MTCL1: variants seen among roughly 807,000 people sequenced by gnomAD.
MTCL1 encodes microtubule crosslinking factor 1, also known as microtubule cross-linking factor 1.
In MTCL1, 79 loss-of-function variants were observed where a neutral mutation model predicts 141.4. That is an observed-to-expected ratio of 0.56 (90% confidence interval 0.47 to 0.67). The LOEUF (loss-of-function observed/expected upper bound fraction) is 0.67, where lower values mean the gene tolerates loss of function less well. Among genes scored for constraint, MTCL1 ranks in the 30% least tolerant of loss-of-function variants. The probability of loss-of-function intolerance (pLI) is 0.00; values close to 1 mark genes in which losing one functional copy is unlikely to be tolerated. For synonymous variants in MTCL1, 914 were observed against 875.8 expected (o/e 1.04, Z -0.77); for missense variants, 2,177 against 2,113.9 (o/e 1.03, Z -0.59).
chr18:8,782,914 G>C (rs1450707095), intron 5 of MTCL1, among the ~76,000 whole-genome samples: 1 of 152,210 alleles, frequency 6.6e-6, no homozygotes, highest in African/African-American at 2.4e-5. Context: ...GGGAGACCGG[G>C]ATGGGGAGAA....
chr18:8,828,214 G>A lies in MTCL1; in HGVS notation c.4723-694G>A, dbSNP rs1428402113. ...TTCTGATTCCAAGCCCACCCAGTGC[G>A]CTGTTGCGGAATCTTTCCCCGAATG... On this transcript the variant is annotated intron_variant, in intron 15 of 16. Coordinates refer to ENST00000359865, the Ensembl canonical transcript of MTCL1. This position sits in a 1 kb window ranked among gnomAD's most constrained non-coding sequence, Gnocchi z 5.2. 6.6e-6 allele frequency among the ~76,000 whole-genome samples: 1 copy of A among 152,154 alleles called. No homozygotes were observed. The highest frequency in any genetic ancestry group is 2.4e-5 in the African/African-American group (1 of 41,422).
chr18:8,790,799 G>A lies in MTCL1; in HGVS notation c.1888-2199G>A, dbSNP rs189047745. ...GGAGGCTGAGGCAGGCAGATCACTT[G>A]AGGTCAGGAGTTCGAGACCAGCCTG... is the stretch of plus-strand genomic sequence containing the variant. On this transcript the variant is annotated intron_variant, in intron 7 of 16. Coordinates refer to ENST00000359865, the Ensembl canonical transcript of MTCL1. Among the ~76,000 whole-genome samples, 439 of 152,316 alleles carry A rather than the reference G, an allele frequency of 2.9e-3. 3 individuals are homozygous for A. The highest frequency in any genetic ancestry group is 0.021 in the Admixed American group (318 of 15,308).
At chr18:8,817,724 A>ATT (rs2076704731) in intron 12 of MTCL1, among the ~76,000 whole-genome samples, 1 of 152,210 alleles carries the variant, frequency 6.6e-6, no homozygotes, top group Non-Finnish European at 1.5e-5. Flanking sequence ...TCAAATCATT[A>ATT]TTTGGCCACT....
chr18:8,759,805 G>T (rs531149447), intron 4 of MTCL1, among the ~76,000 whole-genome samples: 2 of 152,282 alleles, frequency 1.3e-5, no homozygotes, highest in South Asian at 4.1e-4. Context: ...TCTGCGGGGG[G>T]TCCCAGAGCT....
intron 4 of MTCL1, among the ~76,000 whole-genome samples, chr18:8,722,785 C>T (rs1367909687): frequency 6.6e-6 from 1 of 152,166 alleles, no homozygotes; most frequent in African/African-American, 2.4e-5. Context: ...CAAGAGTCAA[C>T]TGTAGAACTA....
exon 6 of MTCL1, chr18:8,783,787 C>A (rs894694031): frequency 6.2e-7 from 1 of 1,613,272 alleles, no homozygotes; most frequent in Non-Finnish European, 8.5e-7. Flanking sequence ...GCCGGAAGAT[C>A]GTGGAGCTGG....
At chr18:8,791,879 T>A (rs1034221199) in intron 7 of MTCL1, among the ~76,000 whole-genome samples, 2 of 135,894 alleles carry the variant, frequency 1.5e-5, no homozygotes, top group African/African-American at 6.1e-5. Context: ...AGTTTTATGC[T>A]GAACTTGGTG....
intron 4 of MTCL1, among the ~76,000 whole-genome samples, chr18:8,740,982 C>T (rs922166507): frequency 6.6e-6 from 1 of 152,214 alleles, no homozygotes; most frequent in African/African-American, 2.4e-5. Flanking sequence ...CTTAGGTCTT[C>T]TCACCACAGA....
At position 8,722,925 on chromosome 18, in the gene MTCL1, A is replaced by G. The variant is rs144236450; in HGVS notation, c.357+2429A>G. 2.5e-4 allele frequency among the ~76,000 whole-genome samples: 38 copies of G among 152,358 alleles called. No individual in the cohort carries two copies. The South Asian group carries it at 5.2e-3, about 21-fold the overall frequency. ...TAGGATTTGGCATCTCTTTGAAGGA[A>G]GAAATGATTATTGTTACTCTTGACA... On this transcript the variant is annotated intron_variant, in intron 4 of 16. Transcript: ENST00000359865.
chr18:8,805,764 G>A (rs2076278295), intron 10 of MTCL1, among the ~76,000 whole-genome samples: 1 of 152,108 alleles, frequency 6.6e-6, no homozygotes, highest in African/African-American at 2.4e-5. Context: ...CTTCATACAT[G>A]CACCAAAAAA....
At chr18:8,799,704 C>A (rs1343062003) in intron 10 of MTCL1, among the ~76,000 whole-genome samples, 2 of 152,244 alleles carry the variant, frequency 1.3e-5, no homozygotes, top group East Asian at 3.9e-4. Flanking sequence ...CGCCACAAAC[C>A]TGCTGCGTCT....
At chr18:8,708,132 C>G (rs950633388) in intron 1 of MTCL1, among the ~76,000 whole-genome samples, 1 of 152,226 alleles carries the variant, frequency 6.6e-6, no homozygotes, top group Non-Finnish European at 1.5e-5. Flanking sequence ...AAATCTTCAA[C>G]AAATGTAAGC....
intron 4 of MTCL1, among the ~76,000 whole-genome samples, chr18:8,773,801 A>G (rs1470252271): frequency 1.3e-5 from 2 of 152,174 alleles, no homozygotes; most frequent in East Asian, 3.9e-4. Context: ...CACTAGTTCA[A>G]AATATGACCT....
At chr18:8,749,640 A>G (rs2096360207) in intron 4 of MTCL1, among the ~76,000 whole-genome samples, 1 of 152,244 alleles carries the variant, frequency 6.6e-6, no homozygotes. Flanking sequence ...TGGGCCCGAG[A>G]GAGTGACAAG....
exon 10 of MTCL1, chr18:8,798,159 G>A (rs368107221): frequency 3.1e-5 from 49 of 1,595,576 alleles, no homozygotes; most frequent in African/African-American, 2.6e-4. Context: ...GTCACCAGGC[G>A]GATGGCCCAG....
chr18:8,770,018 G>A (rs186797848), intron 4 of MTCL1, among the ~76,000 whole-genome samples: 4 of 152,284 alleles, frequency 2.6e-5, no homozygotes, highest in Admixed American at 1.3e-4. Context: ...CTAAAGAAAG[G>A]CAAAGATTTT....
At chr18:8,706,214 C>T (rs2096058043) in exon 1 of MTCL1, 2 of 1,227,408 alleles carry the variant, frequency 1.6e-6, no homozygotes, top group Non-Finnish European at 2.0e-6. Context: ...CGGATCCCTG[C>T]CGTGACCCTC....
rs2096056517 is a variant in MTCL1, at chr18:8,705,686, G to A, written c.26G>A (p.Gly9Asp). Residue 9 changes from glycine (G) to aspartate (D), a missense_variant, in exon 1 of 14, where the codon GGC becomes GAC. Gly to Asp is a moderately conservative substitution (Grantham distance 94). Transcript: ENST00000306329. The surrounding 1 kb of genome is among the most constrained non-coding windows in gnomAD (Gnocchi z 5.2). ...ATGGAGACACTGAACGGCCCCGCGG[G>A]CGGAGGTGCCCCGGACGCGAAGCTG... 1.7e-6 allele frequency: 2 copies of A among 1,200,550 alleles called. No individual in the cohort carries two copies. The highest frequency in any genetic ancestry group is 2.1e-6 in the Non-Finnish European group (2 of 967,404). The allele number at this position is 1,200,550 out of a possible 1,614,324, so 74.4% of individuals were successfully genotyped here.
intron 14 of MTCL1, among the ~76,000 whole-genome samples, chr18:8,821,890 G>T (rs1028317148): frequency 1.3e-5 from 2 of 152,050 alleles, no homozygotes; most frequent in African/African-American, 4.8e-5. Context: ...TCCACTAAGA[G>T]AATTTATTAA....
Sources: gnomAD v4.1 joint callset for allele counts (sites outside exome capture counted in the v4.1 genomes callset) on GRCh38, gnomAD v4.1.1 for gene constraint, Gnocchi (gnomAD v3.1) non-coding constraint, MANE v1.5 for transcripts, NCBI Gene and HGNC (gene_info 2026-07-23, HGNC 2026-07-21) for gene names.